The following TEAD4 variants were observed in gnomAD, a reference collection of about 807,000 sequenced individuals.
The protein encoded by TEAD4 is TEA domain transcription factor 4, also known as transcriptional enhancer factor TEF-3.
A neutral mutation model predicts 52.4 loss-of-function variants in TEAD4; 36 were observed. The ratio of observed to expected loss-of-function variants is 0.69; its 90% CI spans 0.53 to 0.91. The LOEUF (loss-of-function observed/expected upper bound fraction) is 0.91, where lower values mean the gene tolerates loss of function less well. Ranked by LOEUF, TEAD4 falls within the 40% of genes least tolerant of loss-of-function variation. The pLI is 0.00. For missense variants in TEAD4, 508 were observed against 583.9 expected (o/e 0.87, Z 1.34); for synonymous variants, 220 against 231.0 (o/e 0.95, Z 0.43).
rs567461021 is a variant in TEAD4 at position 2,959,573 on chromosome 12, G to C, written c.-123+92G>C. 2 of 150,406 alleles carry C rather than the reference G, an allele frequency of 1.3e-5. No homozygotes were observed. The highest frequency in any genetic ancestry group is 6.6e-5 in the Admixed American group (1 of 15,070). The allele number at this position is 150,406 out of a possible 1,614,324, so 9.3% of individuals were successfully genotyped here. On this transcript the variant is annotated intron_variant, in intron 1 of 12. Transcript: ENST00000359864. The surrounding 1 kb of genome is among the most constrained non-coding windows in gnomAD (Gnocchi z 5.1). ...AGCCGACCGCTCGCGCCGCGTGCTC[G>C]GCTGCTCTTTTCTTTCCGCCGCCCG...
chr12:2,983,382 A>G (rs908553068), intron 2 of TEAD4, among the ~76,000 whole-genome samples: 5 of 152,122 alleles, frequency 3.3e-5, no homozygotes, highest in African/African-American at 1.2e-4. Flanking sequence ...AGAGCCACAC[A>G]TGAAAGTCTG....
Position 3,012,224 on chromosome 12 carries a change from A to G in TEAD4, c.346A>G (p.Lys116Glu), listed in dbSNP as rs1236362065. ...TCGCAAAGCTCGCGAGATCCAGGCC[A>G]AGCTAAAGGTAAGGAAACTGCAGTG... Residue 116 changes from lysine (K) to glutamate (E), a missense_variant, in exon 5 of 13, where the codon AAG (lysine) becomes GAG (glutamate). Physicochemically the swap from Lys to Glu is moderately conservative, Grantham distance 56. Transcript: ENST00000359864. The G allele has an allele frequency of 6.2e-7, 1 of 1,613,968 alleles. No homozygotes were observed. The highest frequency in any genetic ancestry group is 2.2e-5 in the East Asian group (1 of 44,894).
Position 3,018,575 on chromosome 12 carries a change from G to A in TEAD4, c.514G>A (p.Gly172Arg), listed in dbSNP as rs200746125. The A allele has an allele frequency of 4.0e-5, 65 of 1,614,080 alleles. No individual in the cohort carries two copies. Among genetic ancestry groups the A allele is most frequent in the Non-Finnish European group, 4.7e-5 (56 of 1,179,962 alleles). Residue 172 changes from glycine (G) to arginine (R), a missense_variant, in exon 7 of 13, where the codon GGA (glycine) becomes AGA (arginine). Gly to Arg is a moderately radical substitution (Grantham distance 125). Coordinates refer to ENST00000359864, the MANE Select transcript of TEAD4 (RefSeq NM_003213.4). ...GCAAGGAGCTTTGCCAGGCCAAGCCGGAACGTCCCATGAGTGAGTATGGCC... is the reference window on the plus strand; with the variant it reads ...GCAAGGAGCTTTGCCAGGCCAAGCCAGAACGTCCCATGAGTGAGTATGGCC...
rs71057876 is a variant in TEAD4, at chr12:2,990,461, C to CTTTTTTTTTTTT, written c.-29-4261_-29-4250dup. Among the ~76,000 whole-genome samples the CTTTTTTTTTTTT allele has an allele frequency of 1.2e-3, 78 of 67,036 alleles. 23 individuals are homozygous for CTTTTTTTTTTTT. The highest frequency in any genetic ancestry group is 4.2e-3 in the African/African-American group (72 of 17,016). 44.0% of individuals were successfully genotyped at this position (67,036 alleles called of 152,430 possible). On this transcript the variant is annotated intron_variant, in intron 2 of 12. Coordinates refer to ENST00000359864, the MANE Select transcript of TEAD4 (RefSeq NM_003213.4). ...TAGAATTTAGGCTAAGACAGATAATCTTTTTTTTTTTTTTTTTTTTTTTTT... is the reference window on the plus strand; with the variant it reads ...TAGAATTTAGGCTAAGACAGATAATCTTTTTTTTTTTTTTTTTTTTTTTTTTTTTTTTTTTTT...
In TEAD4 at chr12:3,021,225, C is replaced by A. The variant is rs548244290; in HGVS notation, c.723+452C>A. 2.0e-5 allele frequency among the ~76,000 whole-genome samples: 3 copies of A among 152,250 alleles called. 1 individual carries two copies. In the East Asian group the frequency reaches 5.8e-4, roughly 29 times the overall value. On this transcript the variant is annotated intron_variant, in intron 9 of 12. Coordinates refer to ENST00000359864, the MANE Select transcript of TEAD4 (RefSeq NM_003213.4). The stretch of plus-strand genomic sequence containing the variant: ...CCAGTGTCCTGGGTGACCAGCGTCA[C>A]CTGCAAAGGTCAGAGGGGGACCTGG...
intron 2 of TEAD4, among the ~76,000 whole-genome samples, chr12:2,990,354 G>T (rs1894791): frequency 6.6e-6 from 1 of 150,680 alleles, no homozygotes; most frequent in African/African-American, 2.5e-5. Flanking sequence ...GTTACTAAGC[G>T]ATATAAAATT....
chr12:3,021,002 G>A (rs190621822), intron 9 of TEAD4, among the ~76,000 whole-genome samples: 21 of 151,714 alleles, frequency 1.4e-4, no homozygotes, highest in African/African-American at 4.4e-4. Flanking sequence ...CCCAGTCAGC[G>A]TCACGCTCCT....
Position 3,007,636 on chromosome 12 carries a change from G to A in TEAD4, c.227-3368G>A, listed in dbSNP as rs117484388. On this transcript the variant is annotated intron_variant, in intron 3 of 12. Transcript: ENST00000359864. ...AACTGTACATGCTTAAAGTGGCCAA[G>A]TTGATACATTTTGACAGATGTATGC... Among the ~76,000 whole-genome samples, 60 of 152,328 alleles carry A rather than the reference G, an allele frequency of 3.9e-4. 2 individuals carry two copies. The East Asian group carries it at 0.012, about 29-fold the overall frequency.
chr12:2,965,506 A>G (rs1204575246), intron 2 of TEAD4, among the ~76,000 whole-genome samples: 1 of 152,050 alleles, frequency 6.6e-6, no homozygotes, highest in African/African-American at 2.4e-5. Context: ...AAGTGAAGTT[A>G]ATGTTGGTGT....
intron 6 of TEAD4, 43 bp downstream of exon 6, chr12:3,017,569 C>T (rs1471866441): frequency 3.8e-6 from 6 of 1,570,352 alleles, no homozygotes; most frequent in South Asian, 1.2e-5. Context: ...CAGCCCTCTC[C>T]TCCTCCCTCC....
intron 5 of TEAD4, among the ~76,000 whole-genome samples, chr12:3,016,385 G>A (rs1221602800): frequency 2.6e-5 from 4 of 152,124 alleles, no homozygotes; most frequent in Non-Finnish European, 2.9e-5. Context: ...ATTTAGCCCC[G>A]ATAAAGCTGC....
chr12:3,038,117 C>T lies in TEAD4; in HGVS notation c.1038+9C>T. 6.2e-7 allele frequency: 1 copy of T among 1,609,318 alleles called. No individual in the cohort carries two copies. Among genetic ancestry groups the T allele is most frequent in the Non-Finnish European group, 8.5e-7 (1 of 1,176,758 alleles). On this transcript the variant is annotated intron_variant, in intron 11 of 12. Transcript: ENST00000359864. ...TGGTGGAGAAAGTTGAGGTAGGAGG[C>T]CACCCTGGCGGGTGAGGGCCGGTGG...
At chr12:2,993,665 A>G (rs1056020135) in intron 2 of TEAD4, among the ~76,000 whole-genome samples, 1 of 149,454 alleles carries the variant, frequency 6.7e-6, no homozygotes, top group African/African-American at 2.5e-5. Flanking sequence ...TTTTGTAGAG[A>G]TGGGGTCTCC....
At chr12:3,023,342 G>C (rs112843451) in intron 10 of TEAD4, among the ~76,000 whole-genome samples, 3 of 152,276 alleles carry the variant, frequency 2.0e-5, no homozygotes, top group African/African-American at 7.2e-5. Flanking sequence ...GAGTGAGTTA[G>C]GTTCTGGAAG....
chr12:2,988,187 C>T (rs1302633231), intron 2 of TEAD4, among the ~76,000 whole-genome samples: 2 of 152,138 alleles, frequency 1.3e-5, no homozygotes, highest in Non-Finnish European at 1.5e-5. Flanking sequence ...CACAGTTTCT[C>T]TCCATTTATT....
chr12:3,018,075 C>T (rs940274155), intron 6 of TEAD4, among the ~76,000 whole-genome samples: 1 of 152,224 alleles, frequency 6.6e-6, no homozygotes, highest in African/African-American at 2.4e-5. Flanking sequence ...CTAAATGAGT[C>T]TTCAAGGCAC....
intron 3 of TEAD4, among the ~76,000 whole-genome samples, chr12:2,997,473 C>T (rs564620008): frequency 2.0e-5 from 3 of 152,266 alleles, no homozygotes; most frequent in South Asian, 4.2e-4. Context: ...TGGGACCCCC[C>T]GGGCTCTGCT....
chr12:3,004,466 G>C (rs899601453), intron 3 of TEAD4, among the ~76,000 whole-genome samples: 1 of 152,172 alleles, frequency 6.6e-6, no homozygotes, highest in Non-Finnish European at 1.5e-5. Flanking sequence ...GCTTCTGAGA[G>C]AAGTGACCTC....
intron 3 of TEAD4, among the ~76,000 whole-genome samples, chr12:3,000,590 T>C (rs935686569): frequency 6.6e-6 from 1 of 152,200 alleles, no homozygotes; most frequent in Non-Finnish European, 1.5e-5. Context: ...GGCCCACCTG[T>C]CCATACTGCC....
Sources: gnomAD v4.1 joint callset for allele counts (sites outside exome capture counted in the v4.1 genomes callset) on GRCh38, gnomAD v4.1.1 for gene constraint, Gnocchi (gnomAD v3.1) non-coding constraint, MANE v1.5 for transcripts, NCBI Gene and HGNC (gene_info 2026-07-23, HGNC 2026-07-21) for gene names.